Variants in PPP2R2C observed in about 807,000 individuals in gnomAD.
PPP2R2C encodes protein phosphatase 2, regulatory subunit B, gamma.
A neutral mutation model predicts 45.3 loss-of-function variants in PPP2R2C; 10 were observed. The ratio of observed to expected loss-of-function variants is 0.22; its 90% CI spans 0.14 to 0.37. The LOEUF is 0.37. Among genes scored for constraint, PPP2R2C ranks in the 10% least tolerant of loss-of-function variants. The probability of loss-of-function intolerance (pLI) is 1.00; values close to 1 mark genes in which losing one functional copy is unlikely to be tolerated. For missense variants in PPP2R2C, 308 were observed against 619.7 expected (o/e 0.50, Z 5.34); for synonymous variants, 257 against 245.4 (o/e 1.05, Z -0.44).
At position 6,328,561 on chromosome 4, in the gene PPP2R2C, C is replaced by T. The variant is rs1278978183; in HGVS notation, c.1052+701G>A. On this transcript the variant is annotated intron_variant, in intron 8 of 8. Transcript: ENST00000382599. The surrounding 1 kb of genome is among the most constrained non-coding windows in gnomAD (Gnocchi z 4.4). ...GAGGAAGAATCCCAGAGAAGAGACA[C>T]AGAGGTAAGGACCCACGGGTAGAGG... is the stretch of plus-strand genomic sequence containing the variant. Among the ~76,000 whole-genome samples, 2 of 152,316 alleles carry T rather than the reference C, an allele frequency of 1.3e-5. No individual in the cohort carries two copies. The highest frequency in any genetic ancestry group is 1.9e-4 in the East Asian group (1 of 5,182).
intron 5 of PPP2R2C, among the ~76,000 whole-genome samples, chr4:6,351,720 G>C (rs150133349): frequency 6.6e-6 from 1 of 152,082 alleles, no homozygotes; most frequent in Non-Finnish European, 1.5e-5. Context: ...GGGTCCCCAC[G>C]GTAAGATCTC....
intron 2 of PPP2R2C, among the ~76,000 whole-genome samples, chr4:6,500,966 C>T (rs1318691285): frequency 6.6e-6 from 1 of 152,244 alleles, no homozygotes; most frequent in Non-Finnish European, 1.5e-5. Flanking sequence ...GAGCAGGAAG[C>T]CTCTCTGGGC....
chr4:6,481,509 G>A (rs2108778744), intron 2 of PPP2R2C, among the ~76,000 whole-genome samples: 1 of 152,196 alleles, frequency 6.6e-6, no homozygotes, highest in African/African-American at 2.4e-5. Flanking sequence ...CTGTTCCATT[G>A]GTCTTTCTGT....
intron 2 of PPP2R2C, among the ~76,000 whole-genome samples, chr4:6,511,032 T>C (rs1187773033): frequency 1.3e-5 from 2 of 148,806 alleles, no homozygotes. Context: ...GTTGAATGAA[T>C]GAATAAGAGG....
In PPP2R2C at chr4:6,537,827, G is replaced by A. The variant is rs372479080; in HGVS notation, c.-58-2450C>T. Among the ~76,000 whole-genome samples, 9 of 152,270 alleles carry A rather than the reference G, an allele frequency of 5.9e-5. No homozygotes were observed. The East Asian group carries it at 1.2e-3, about 20-fold the overall frequency. The stretch of plus-strand genomic sequence containing the variant: ...GGCCTCCCAAAGTGCTGGGATTACA[G>A]GTGTGAGCCACCACGCCCGGCCAAA... On this transcript the variant is annotated intron_variant, in intron 1 of 9. Transcript: ENST00000506140.
At chr4:6,377,959 G>A (rs886384765) in intron 3 of PPP2R2C, among the ~76,000 whole-genome samples, 3 of 152,214 alleles carry the variant, frequency 2.0e-5, no homozygotes, top group Non-Finnish European at 2.9e-5. Flanking sequence ...CGCGGTGACA[G>A]CCCCAGTCTA....
intron 5 of PPP2R2C, among the ~76,000 whole-genome samples, chr4:6,369,753 C>G (rs1038336606): frequency 3.3e-5 from 5 of 152,164 alleles, no homozygotes; most frequent in African/African-American, 4.8e-5. Context: ...TTGGCGGCCC[C>G]CACAGCAGCT....
intron 1 of PPP2R2C, among the ~76,000 whole-genome samples, chr4:6,405,528 C>T (rs1717736022): frequency 2.6e-5 from 4 of 152,138 alleles, no homozygotes; most frequent in Admixed American, 2.6e-4. Context: ...AGGAAGGGAC[C>T]CCAAGGGCAA....
At chr4:6,337,628 C>A (rs1311766218) in intron 6 of PPP2R2C, among the ~76,000 whole-genome samples, 2 of 152,078 alleles carry the variant, frequency 1.3e-5, no homozygotes. Context: ...GCAGGACTTG[C>A]GGGTGGATTC....
chr4:6,381,295 G>A (rs961234289), intron 1 of PPP2R2C: 35 of 1,527,192 alleles, frequency 2.3e-5, no homozygotes, highest in Admixed American at 3.9e-5. Flanking sequence ...TCTTCCCTCT[G>A]CACTGGCTGC....
chr4:6,382,324 C>CT, intron 1 of PPP2R2C: 1 of 1,292,488 alleles, frequency 7.7e-7, no homozygotes, highest in Non-Finnish European at 1.0e-6. Context: ...GTGATACCAC[C>CT]TTTAGCAAAA....
chr4:6,544,625 G>T (rs75792021), intron 1 of PPP2R2C, among the ~76,000 whole-genome samples: 2,776 of 152,234 alleles, frequency 0.018, 77 homozygotes, highest in African/African-American at 0.056. Context: ...GAATAAGCCA[G>T]CACACCCGGC....
intron 5 of PPP2R2C, chr4:6,349,758 G>C: frequency 1.4e-6 from 1 of 689,866 alleles, no homozygotes; most frequent in Non-Finnish European, 1.8e-6. Context: ...ATTAGTAGTG[G>C]CGTATGCCTG....
At chr4:6,540,008 C>A (rs1724758669) in intron 1 of PPP2R2C, among the ~76,000 whole-genome samples, 1 of 152,206 alleles carries the variant, frequency 6.6e-6, no homozygotes, top group Non-Finnish European at 1.5e-5. Context: ...TGTCGCCTGG[C>A]TCCAATGACA....
chr4:6,511,863 G>T (rs1175224834), intron 2 of PPP2R2C, among the ~76,000 whole-genome samples: 1 of 93,916 alleles, frequency 1.1e-5, no homozygotes, highest in African/African-American at 3.9e-5. Flanking sequence ...TGGTGGTGGT[G>T]ATGGTGGTGG....
chr4:6,445,202 T>C (rs1367367778), intron 1 of PPP2R2C, among the ~76,000 whole-genome samples: 1 of 145,162 alleles, frequency 6.9e-6, no homozygotes, highest in Non-Finnish European at 1.5e-5. Context: ...AAAAGCAAAA[T>C]AAAAACAAAA....
intron 1 of PPP2R2C, among the ~76,000 whole-genome samples, chr4:6,418,221 C>T (rs1029186074): frequency 1.3e-5 from 2 of 152,106 alleles, no homozygotes; most frequent in Non-Finnish European, 2.9e-5. Context: ...AAACGTGGGG[C>T]TCAACCATTC....
At chr4:6,381,594 C>A (rs1442098796) in intron 1 of PPP2R2C, 2 of 1,448,612 alleles carry the variant, frequency 1.4e-6, no homozygotes, top group Non-Finnish European at 1.8e-6. Flanking sequence ...AGGTGAATTA[C>A]CCCCTCTCCT....
chr4:6,563,111 G>C lies in PPP2R2C; in HGVS notation c.-59+449C>G, dbSNP rs1019779358. 6.6e-6 allele frequency among the ~76,000 whole-genome samples: 1 copy of C among 152,202 alleles called. No homozygotes were observed. Among genetic ancestry groups the C allele is most frequent in the African/African-American group, 2.4e-5 (1 of 41,458 alleles). ...ACTCCGCCGCATTGGGTCTTACCCCGGACTCCGAGCCGGACCCCGCGCCCG... is the reference window on the plus strand; with the variant it reads ...ACTCCGCCGCATTGGGTCTTACCCCCGACTCCGAGCCGGACCCCGCGCCCG... On this transcript the variant is annotated intron_variant, in intron 1 of 9. Transcript: ENST00000506140. This position sits in a 1 kb window ranked among gnomAD's most constrained non-coding sequence, Gnocchi z 5.8.
Sources: gnomAD v4.1 joint callset for allele counts (sites outside exome capture counted in the v4.1 genomes callset) on GRCh38, gnomAD v4.1.1 for gene constraint, Gnocchi (gnomAD v3.1) non-coding constraint, MANE v1.5 for transcripts, NCBI Gene and HGNC (gene_info 2026-07-23, HGNC 2026-07-21) for gene names.